MYRIP: variants seen among roughly 807,000 people sequenced by gnomAD.
MYRIP encodes the protein myosin VIIA and Rab interacting protein.
Under a neutral mutation model 98.0 loss-of-function variants are expected in MYRIP, and 49 were observed. That is an observed-to-expected ratio of 0.50 (90% CI 0.40 to 0.63). The LOEUF (loss-of-function observed/expected upper bound fraction) is 0.63, where lower values mean the gene tolerates loss of function less well. Ranked by LOEUF, MYRIP falls within the 30% of genes least tolerant of loss-of-function variation. The pLI is 0.00. For missense variants in MYRIP, 1,004 were observed against 1,058.2 expected (o/e 0.95, Z 0.71); for synonymous variants, 404 against 409.5 (o/e 0.99, Z 0.16).
At chr3:40,141,266 T>G (rs1289744803) in intron 3 of MYRIP, among the ~76,000 whole-genome samples, 1 of 152,234 alleles carries the variant, frequency 6.6e-6, no homozygotes, top group Non-Finnish European at 1.5e-5. Flanking sequence ...TTAAAAAATG[T>G]CTTTTCAGAT....
At chr3:40,254,479 T>TG (rs369352734) in intron 16 of MYRIP, among the ~76,000 whole-genome samples, 1,170 of 5,704 alleles carry the variant, frequency 0.21, 9 homozygotes, top group African/African-American at 0.4. Flanking sequence ...CATTTGTGTC[T>TG]GGGGGGGGTG....
At chr3:39,865,288 C>T (rs1559501091) in intron 1 of MYRIP, among the ~76,000 whole-genome samples, 1 of 152,042 alleles carries the variant, frequency 6.6e-6, no homozygotes, top group African/African-American at 2.4e-5. Context: ...GCAACAGAAA[C>T]AAAAATTGAC....
intron 1 of MYRIP, among the ~76,000 whole-genome samples, chr3:39,816,333 C>T (rs918512779): frequency 8.5e-5 from 13 of 152,156 alleles, no homozygotes; most frequent in Non-Finnish European, 7.4e-5. Context: ...CCACCCGCCT[C>T]GGCCTCCCAA....
chr3:39,979,853 G>A (rs1945846689), intron 2 of MYRIP, among the ~76,000 whole-genome samples: 1 of 152,136 alleles, frequency 6.6e-6, no homozygotes, highest in South Asian at 2.1e-4. Flanking sequence ...CCTTTACACA[G>A]CACCAACATG....
intron 2 of MYRIP, among the ~76,000 whole-genome samples, chr3:39,988,657 T>C (rs1946097174): frequency 6.6e-6 from 1 of 152,020 alleles, no homozygotes; most frequent in Admixed American, 6.6e-5. Flanking sequence ...CAATCAATTG[T>C]AGGTTTGGTC....
At chr3:40,096,934 G>A (rs964937130) in intron 3 of MYRIP, among the ~76,000 whole-genome samples, 3 of 152,154 alleles carry the variant, frequency 2.0e-5, no homozygotes, top group African/African-American at 4.8e-5. Context: ...AAAACGCTCC[G>A]CCCATCGTCC....
At chr3:40,174,743 AC>A (rs1199779654) in intron 8 of MYRIP, 1 of 152,232 alleles carries the variant, frequency 6.6e-6, no homozygotes, top group African/African-American at 2.4e-5. Context: ...GGAAGAGTGT[AC>A]TAATTAAGGT....
intron 1 of MYRIP, among the ~76,000 whole-genome samples, chr3:39,890,228 C>G (rs1474614249): frequency 1.3e-5 from 2 of 152,010 alleles, no homozygotes; most frequent in Non-Finnish European, 2.9e-5. Flanking sequence ...TCTGCTGTTG[C>G]CACTATGTTT....
chr3:40,259,584 A>C lies in MYRIP; in HGVS notation c.*1418A>C, dbSNP rs1441756565. On this transcript the variant is annotated 3_prime_UTR_variant, in exon 17 of 17. Transcript: ENST00000302541. ...TGATTGGAATGCATCACAAAAGCCT[A>C]ACTCTGTTGTTTTCAACCTCTACGT... The C allele has an allele frequency of 6.6e-6, 1 of 152,214 alleles. No homozygotes were observed. Among genetic ancestry groups the C allele is most frequent in the African/African-American group, 2.4e-5 (1 of 41,448 alleles). The allele number at this position is 152,214 out of a possible 1,614,324, so 9.4% of individuals were successfully genotyped here. A position where few individuals can be genotyped will look rare whatever the true frequency, so the allele number is the denominator to read the frequency against.
intron 2 of MYRIP, among the ~76,000 whole-genome samples, chr3:39,951,935 T>C (rs1175239015): frequency 6.6e-6 from 1 of 152,180 alleles, no homozygotes; most frequent in Non-Finnish European, 1.5e-5. Context: ...ATTTAACCTA[T>C]TTTAACTGTA....
intron 3 of MYRIP, among the ~76,000 whole-genome samples, chr3:40,064,013 A>G (rs1181096446): frequency 6.6e-6 from 1 of 151,906 alleles, no homozygotes; most frequent in African/African-American, 2.4e-5. Context: ...AGGGCAGGCT[A>G]TATAAAGTAA....
intron 3 of MYRIP, among the ~76,000 whole-genome samples, chr3:40,128,197 G>C (rs1949560447): frequency 6.6e-6 from 1 of 152,186 alleles, no homozygotes; most frequent in Non-Finnish European, 1.5e-5. Context: ...TTTAATAGGG[G>C]CTTACATACA....
At chr3:39,878,349 C>T (rs957504674) in intron 1 of MYRIP, among the ~76,000 whole-genome samples, 3 of 152,136 alleles carry the variant, frequency 2.0e-5, no homozygotes, top group Non-Finnish European at 4.4e-5. Flanking sequence ...TGCGCTGCAC[C>T]CACTGCCCTG....
intron 3 of MYRIP, among the ~76,000 whole-genome samples, chr3:40,137,923 A>G (rs1949815327): frequency 6.6e-6 from 1 of 152,212 alleles, no homozygotes; most frequent in Non-Finnish European, 1.5e-5. Context: ...CAACCTTATG[A>G]GCTCTTGCAG....
intron 2 of MYRIP, among the ~76,000 whole-genome samples, chr3:40,005,177 C>A (rs1381636658): frequency 6.6e-6 from 1 of 152,120 alleles, no homozygotes; most frequent in Non-Finnish European, 1.5e-5. Flanking sequence ...TTATCCAATC[C>A]ACCACTGATG....
chr3:40,014,864 AC>A (rs1418250256), intron 2 of MYRIP, among the ~76,000 whole-genome samples: 1 of 152,216 alleles, frequency 6.6e-6, no homozygotes, highest in African/African-American at 2.4e-5. Flanking sequence ...TGCTGGCCTT[AC>A]GTTACAGTTT....
At chr3:39,915,749 A>G (rs916694033) in intron 2 of MYRIP, among the ~76,000 whole-genome samples, 2 of 123,058 alleles carry the variant, frequency 1.6e-5, no homozygotes, top group African/African-American at 3.5e-5. Flanking sequence ...AGATAGGTCA[A>G]TGCCAGGCCA....
rs1011325014 is a variant in MYRIP at position 40,160,104 on chromosome 3, T to C, written c.470-2626T>C. 2.6e-5 allele frequency among the ~76,000 whole-genome samples: 4 copies of C among 152,196 alleles called. No individual in the cohort carries two copies. In the East Asian group the frequency reaches 5.8e-4, roughly 22 times the overall value. On this transcript the variant is annotated intron_variant, in intron 4 of 16. Transcript: ENST00000302541. ...TAGAGTTTCCAGTTTTTCTGCTCTGTTTTTCCCCATCTTTGTGGTTTTATC... is the reference window on the plus strand; with the variant it reads ...TAGAGTTTCCAGTTTTTCTGCTCTGCTTTTCCCCATCTTTGTGGTTTTATC...
intron 2 of MYRIP, among the ~76,000 whole-genome samples, chr3:40,021,825 T>C (rs1947006625): frequency 6.6e-6 from 1 of 152,218 alleles, no homozygotes; most frequent in Non-Finnish European, 1.5e-5. Context: ...ATTGTACTTA[T>C]CTTTTATTCA....
Sources: gnomAD v4.1 joint callset for allele counts (sites outside exome capture counted in the v4.1 genomes callset) on GRCh38, gnomAD v4.1.1 for gene constraint, MANE v1.5 for transcripts, NCBI Gene and HGNC (gene_info 2026-07-23, HGNC 2026-07-21) for gene names.